Variants in VPS13A observed in about 807,000 individuals in gnomAD.
The protein encoded by VPS13A is vacuolar protein sorting 13 homolog A.
Under a neutral mutation model 390.9 loss-of-function variants are expected in VPS13A, and 264 were observed. That is an observed-to-expected ratio of 0.68 (90% CI 0.61 to 0.75). The LOEUF is 0.75. Ranked by LOEUF, VPS13A falls within the 30% of genes least tolerant of loss-of-function variation. VPS13A has a pLI of 0.00. For synonymous variants in VPS13A, 1,231 were observed against 1,227.1 expected, an observed-to-expected ratio of 1.00 and a Z score of -0.07; for missense variants, 3,409 against 3,733.9, an observed-to-expected ratio of 0.91 and a Z score of 2.27.
At chr9:77,188,669 T>G (rs1291284018) in intron 1 of VPS13A, among the ~76,000 whole-genome samples, 2 of 152,194 alleles carry the variant, frequency 1.3e-5, no homozygotes, top group Non-Finnish European at 2.9e-5. Context: ...TAGTTCTTAA[T>G]TCTTTGGTAG....
chr9:77,268,286 C>T (rs1448105054), intron 23 of VPS13A, among the ~76,000 whole-genome samples: 1 of 152,172 alleles, frequency 6.6e-6, no homozygotes. Flanking sequence ...TGTAGGCACC[C>T]GAGGGAATCT....
At chr9:77,385,183 T>C in intron 68 of VPS13A, 1 of 920,086 alleles carries the variant, frequency 1.1e-6, no homozygotes, top group Non-Finnish European at 1.3e-6. Flanking sequence ...TAAACATATG[T>C]AATCTAAAGG....
intron 26 of VPS13A, among the ~76,000 whole-genome samples, chr9:77,277,248 T>A (rs1013898441): frequency 6.6e-6 from 1 of 152,112 alleles, no homozygotes; most frequent in East Asian, 1.9e-4. Context: ...TGAGCAGAGG[T>A]GGAAATAAAA....
intron 45 of VPS13A, among the ~76,000 whole-genome samples, chr9:77,326,149 A>G (rs1222168991): frequency 6.6e-6 from 1 of 152,052 alleles, no homozygotes; most frequent in African/African-American, 2.4e-5. Context: ...TTTCTACAAA[A>G]TGTGTCAATC....
chr9:77,212,547 A>G (rs1403245809), intron 7 of VPS13A, among the ~76,000 whole-genome samples: 2 of 151,958 alleles, frequency 1.3e-5, no homozygotes, highest in African/African-American at 4.8e-5. Flanking sequence ...TGTTGCCCAA[A>G]TTTGTCTCAA....
Position 77,314,243 on chromosome 9 carries a change from G to T in VPS13A, c.4242+124G>T, listed in dbSNP as rs566961181. ...TAGTATCTGTCCCTCTGAGAAAAATGATCTTTTTACTTTAATAATAATTAT... is the reference window on the plus strand; with the variant it reads ...TAGTATCTGTCCCTCTGAGAAAAATTATCTTTTTACTTTAATAATAATTAT... On this transcript the variant is annotated intron_variant, in intron 36 of 71. Coordinates refer to ENST00000360280, the MANE Select transcript of VPS13A (RefSeq NM_033305.3). 12 of 1,106,770 alleles carry T rather than the reference G, an allele frequency of 1.1e-5. No individual in the cohort carries two copies. The East Asian group carries it at 2.9e-4, about 26-fold the overall frequency. The allele number at this position is 1,106,770 out of a possible 1,614,324, so 68.6% of individuals were successfully genotyped here. A position where few individuals can be genotyped will look rare whatever the true frequency, so the allele number is the denominator to read the frequency against.
At chr9:77,293,951 T>G (rs1309234815) in intron 32 of VPS13A, among the ~76,000 whole-genome samples, 1 of 152,186 alleles carries the variant, frequency 6.6e-6, no homozygotes, top group Non-Finnish European at 1.5e-5. Flanking sequence ...TCACCCAGGC[T>G]GGAGTGTAGT....
chr9:77,277,964 C>G (rs1826783913), intron 26 of VPS13A, among the ~76,000 whole-genome samples: 1 of 152,192 alleles, frequency 6.6e-6, no homozygotes, highest in South Asian at 2.1e-4. Context: ...CATCAAGAAA[C>G]AGTTTGCTCT....
At chr9:77,260,266 A>G in intron 23 of VPS13A, 42 bp downstream of exon 23, 9 of 1,597,246 alleles carry the variant, frequency 5.6e-6, no homozygotes, top group Non-Finnish European at 7.7e-6. Flanking sequence ...GAATTAAGAA[A>G]GTCCACAAAT....
At chr9:77,308,450 C>T (rs752149191) in intron 35 of VPS13A, among the ~76,000 whole-genome samples, 1 of 152,016 alleles carries the variant, frequency 6.6e-6, no homozygotes, top group African/African-American at 2.4e-5. Context: ...CTCCCTTTCC[C>T]CCATCTTCTC....
intron 52 of VPS13A, among the ~76,000 whole-genome samples, chr9:77,349,140 C>G (rs1261603552): frequency 4.6e-5 from 7 of 151,908 alleles, no homozygotes; most frequent in African/African-American, 1.7e-4. Flanking sequence ...GACCATAATC[C>G]CTGTAATCCA....
intron 70 of VPS13A, 118 bp downstream of exon 70, chr9:77,406,105 G>C: frequency 7.3e-7 from 1 of 1,366,652 alleles, no homozygotes; most frequent in South Asian, 1.2e-5. Context: ...TCCTGGTGTG[G>C]TTTTCCCTTA....
chr9:77,354,456 A>G (rs557481117), intron 54 of VPS13A, among the ~76,000 whole-genome samples: 50 of 152,274 alleles, frequency 3.3e-4, no homozygotes, highest in African/African-American at 1.2e-3. Context: ...CTTTAGACCT[A>G]TTATATGTTA....
At chr9:77,228,044 A>G in intron 16 of VPS13A, 78 bp from the exon 17 acceptor site, 1 of 1,107,692 alleles carries the variant, frequency 9.0e-7, no homozygotes, top group Non-Finnish European at 1.2e-6. Context: ...GGTTTTTGAA[A>G]TGAATGTACT....
chr9:77,243,706 T>G (rs1478233763), intron 19 of VPS13A, among the ~76,000 whole-genome samples: 1 of 152,180 alleles, frequency 6.6e-6, no homozygotes, highest in Non-Finnish European at 1.5e-5. Flanking sequence ...ATGCTAGGTT[T>G]TAGGGAACAT....
chr9:77,382,348 C>G, intron 68 of VPS13A: 1 of 1,521,840 alleles, frequency 6.6e-7, no homozygotes, highest in South Asian at 1.3e-5. Context: ...AGATTTTAGT[C>G]TTAAAATTTA....
At position 77,215,627 on chromosome 9, in the gene VPS13A, A is replaced by C. The variant is rs1217937121; in HGVS notation, c.754+1241A>C. 2.0e-5 allele frequency among the ~76,000 whole-genome samples: 3 copies of C among 152,324 alleles called. No homozygotes were observed. In the South Asian group the frequency reaches 6.2e-4, roughly 32 times the overall value. The stretch of plus-strand genomic sequence containing the variant: ...TAAGAGGAGACTGGAGTAACAAGGG[A>C]CTGTCTCATAAAAATGCTAAAGATA... On this transcript the variant is annotated intron_variant, in intron 10 of 71. Coordinates refer to ENST00000360280, the MANE Select transcript of VPS13A (RefSeq NM_033305.3).
At position 77,407,608 on chromosome 9, in the gene VPS13A, G is replaced by T; in HGVS notation, c.9474+1G>T. 2 of 1,606,902 alleles carry T rather than the reference G, an allele frequency of 1.2e-6. No individual in the cohort carries two copies. Among genetic ancestry groups the T allele is most frequent in the Non-Finnish European group, 1.7e-6 (2 of 1,173,856 alleles). ...CTTCAAGACCCCAGAGGATGCCAGG[G>T]TAAATATAATAAATCTTTTATTTAA... On this transcript the variant is annotated splice_donor_variant, in intron 71 of 71. Transcript: ENST00000360280. LOFTEE classifies it high-confidence loss of function.
intron 19 of VPS13A, among the ~76,000 whole-genome samples, chr9:77,245,313 C>T (rs550971792): frequency 6.6e-6 from 1 of 152,140 alleles, no homozygotes; most frequent in Non-Finnish European, 1.5e-5. Context: ...TTGAGGAATC[C>T]TTAGACTAGA....
Sources: gnomAD v4.1 joint callset for allele counts (sites outside exome capture counted in the v4.1 genomes callset) on GRCh38, gnomAD v4.1.1 for gene constraint, MANE v1.5 for transcripts, NCBI Gene and HGNC (gene_info 2026-07-23, HGNC 2026-07-21) for gene names.